The following APBB2 variants were observed in gnomAD, a reference collection of about 807,000 sequenced individuals.
APBB2 encodes amyloid beta precursor protein binding family B member 2.
Under a neutral mutation model 82.5 loss-of-function variants are expected in APBB2, and 38 were observed. The ratio of observed to expected loss-of-function variants is 0.46; its 90% CI spans 0.36 to 0.60. The LOEUF (loss-of-function observed/expected upper bound fraction) is 0.60, where lower values mean the gene tolerates loss of function less well. Among genes scored for constraint, APBB2 ranks in the 20% least tolerant of loss-of-function variants. The pLI is 0.00. For synonymous variants in APBB2, 341 were observed against 368.2 expected (o/e 0.93, Z 0.85); for missense variants, 772 against 972.3 (o/e 0.79, Z 2.74).
intron 10 of APBB2, among the ~76,000 whole-genome samples, chr4:40,929,306 ATTAT>A (rs1325690670): frequency 6.6e-6 from 1 of 152,008 alleles, no homozygotes; most frequent in East Asian, 1.9e-4. Context: ...ATAAGGGGAA[ATTAT>A]TTATTTATTT....
intron 6 of APBB2, among the ~76,000 whole-genome samples, chr4:41,000,059 A>AGG (rs1804732106): frequency 1.1e-5 from 1 of 92,902 alleles, no homozygotes; most frequent in Non-Finnish European, 2.3e-5. Flanking sequence ...ATATGTATAT[A>AGG]TATGTGTGTA....
intron 2 of APBB2, among the ~76,000 whole-genome samples, chr4:41,102,321 G>GTT (rs1560756461): frequency 6.6e-6 from 1 of 152,114 alleles, no homozygotes. Flanking sequence ...TTTATATACT[G>GTT]TTAACTCTTA....
At chr4:41,153,301 A>G (rs1762727713) in intron 1 of APBB2, among the ~76,000 whole-genome samples, 1 of 152,210 alleles carries the variant, frequency 6.6e-6, no homozygotes, top group African/African-American at 2.4e-5. Context: ...TATCCAGAAT[A>G]TAATGCTTTA....
intron 4 of APBB2, among the ~76,000 whole-genome samples, chr4:41,040,161 G>T (rs1720801711): frequency 6.6e-6 from 1 of 152,008 alleles, no homozygotes; most frequent in African/African-American, 2.4e-5. Context: ...CAGAGGAAGG[G>T]CTGTCAAAAA....
intron 10 of APBB2, among the ~76,000 whole-genome samples, chr4:40,914,303 G>A (rs977160862): frequency 1.2e-4 from 18 of 151,708 alleles, no homozygotes; most frequent in Non-Finnish European, 4.4e-5. Context: ...AACCCGGGAG[G>A]CGGAGTTTGC....
intron 6 of APBB2, among the ~76,000 whole-genome samples, chr4:40,989,967 C>T (rs10033204): frequency 7.5e-4 from 114 of 152,296 alleles, no homozygotes; most frequent in African/African-American, 2.4e-3. Flanking sequence ...ACATATAAAA[C>T]GCTAAAACTT....
chr4:40,952,640 T>C (rs932782730), intron 6 of APBB2, among the ~76,000 whole-genome samples: 1 of 152,204 alleles, frequency 6.6e-6, no homozygotes, highest in East Asian at 1.9e-4. Flanking sequence ...GTGAGGCCTT[T>C]ATTTGGAAAA....
intron 3 of APBB2, among the ~76,000 whole-genome samples, chr4:41,083,394 A>C (rs1007933401): frequency 2.6e-5 from 4 of 152,032 alleles, no homozygotes; most frequent in African/African-American, 9.7e-5. Context: ...ACTTTTTCTA[A>C]AACTGTTACA....
rs76346214 is a variant in APBB2 at position 41,044,165 on chromosome 4, G to C, written c.-50-10861C>G. ...TCTACTGGGTGGAAAAATTTTAGGA[G>C]ATGCTTTCCTTCATCTACCACTTGG... On this transcript the variant is annotated intron_variant, in intron 4 of 17. Transcript: ENST00000508593. Among the ~76,000 whole-genome samples, 103 of 152,244 alleles carry C rather than the reference G, an allele frequency of 6.8e-4. 1 individual carries two copies. The East Asian group carries it at 0.016, about 23-fold the overall frequency.
chr4:40,851,649 A>C (rs1386228077), intron 12 of APBB2, among the ~76,000 whole-genome samples: 2 of 151,452 alleles, frequency 1.3e-5, no homozygotes, highest in Admixed American at 6.6e-5. Context: ...AAATGGCTGG[A>C]AGCTCAAGTC....
At chr4:41,055,760 G>C (rs908164188) in intron 4 of APBB2, among the ~76,000 whole-genome samples, 4 of 152,190 alleles carry the variant, frequency 2.6e-5, no homozygotes, top group African/African-American at 9.7e-5. Flanking sequence ...TGCTTCTATA[G>C]CTCCTGTGTG....
At chr4:40,897,650 T>C (rs1050910238) in intron 10 of APBB2, among the ~76,000 whole-genome samples, 21 of 152,206 alleles carry the variant, frequency 1.4e-4, no homozygotes, top group African/African-American at 5.1e-4. Context: ...CTGAAGAGTT[T>C]CACCCCATTC....
At chr4:41,047,290 T>A (rs1017920004) in intron 4 of APBB2, among the ~76,000 whole-genome samples, 1 of 152,248 alleles carries the variant, frequency 6.6e-6, no homozygotes, top group Non-Finnish European at 1.5e-5. Flanking sequence ...CAGATAAAAG[T>A]ATCTCAAAGG....
At chr4:40,819,903 C>A (rs1747214292) in intron 17 of APBB2, among the ~76,000 whole-genome samples, 1 of 152,172 alleles carries the variant, frequency 6.6e-6, no homozygotes, top group African/African-American at 2.4e-5. Context: ...CCTCGACCTC[C>A]TGGGTTTGAG....
chr4:40,951,590 T>C (rs1578694267), intron 6 of APBB2, among the ~76,000 whole-genome samples: 1 of 152,262 alleles, frequency 6.6e-6, no homozygotes, highest in Non-Finnish European at 1.5e-5. Flanking sequence ...CCACTCCCTA[T>C]GTGAGTGTCC....
chr4:40,975,550 A>C (rs966954091), intron 6 of APBB2, among the ~76,000 whole-genome samples: 1 of 152,124 alleles, frequency 6.6e-6, no homozygotes, highest in Non-Finnish European at 1.5e-5. Context: ...TCCCTGGTAC[A>C]TGCTGCACGT....
intron 10 of APBB2, among the ~76,000 whole-genome samples, chr4:40,920,592 C>A (rs1781010321): frequency 6.6e-6 from 1 of 152,210 alleles, no homozygotes; most frequent in Non-Finnish European, 1.5e-5. Context: ...CAGGGCCGGG[C>A]TGGACGCAGT....
chr4:40,924,606 T>G (rs772526840), intron 10 of APBB2, among the ~76,000 whole-genome samples: 1 of 152,044 alleles, frequency 6.6e-6, no homozygotes, highest in Non-Finnish European at 1.5e-5. Flanking sequence ...CCAAGCCACA[T>G]GGAGAGGCCC....
intron 3 of APBB2, among the ~76,000 whole-genome samples, chr4:41,099,347 G>A (rs953506270): frequency 1.3e-5 from 2 of 152,076 alleles, no homozygotes; most frequent in Non-Finnish European, 2.9e-5. Flanking sequence ...TCCTGCCTCA[G>A]GCTTCCGAGT....
Sources: allele counts gnomAD v4.1 joint callset (sites outside exome capture counted in the v4.1 genomes callset), GRCh38; gene constraint gnomAD v4.1.1; transcripts MANE v1.5; gene names NCBI Gene and HGNC (gene_info 2026-07-23, HGNC 2026-07-21).